The following GSDMB variants were observed in gnomAD, a reference collection of about 807,000 sequenced individuals.
The protein encoded by GSDMB is gasdermin B.
Under a neutral mutation model 42.9 loss-of-function variants are expected in GSDMB, and 32 were observed. The observed-to-expected ratio is 0.75, with a 90% CI of 0.56 to 1.00. GSDMB has a LOEUF of 1.00. Ranked by LOEUF, GSDMB falls within the 50% of genes least tolerant of loss-of-function variation. The pLI is 0.00. For synonymous variants in GSDMB, 175 were observed against 193.7 expected, an observed-to-expected ratio of 0.90 and a Z score of 0.80; for missense variants, 468 against 498.5, an observed-to-expected ratio of 0.94 and a Z score of 0.58.
Position 39,918,616 on chromosome 17 carries a change from T to C in GSDMB, c.-97A>G, listed in dbSNP as rs1301885915. The C allele has an allele frequency of 6.6e-6, 1 of 152,214 alleles. No individual in the cohort carries two copies. Among genetic ancestry groups the C allele is most frequent in the African/African-American group, 2.4e-5 (1 of 41,404 alleles). 9.4% of individuals were successfully genotyped at this position (152,214 alleles called of 1,614,324 possible). The stretch of plus-strand genomic sequence containing the variant: ...CTCTGCACAGTTCCTGGCCTCTGAA[T>C]CTCAGGAAGCTAAAATAATGAAACT... On this transcript the variant is annotated 5_prime_UTR_variant, in exon 1 of 11. Transcript: ENST00000418519.
At chr17:39,913,803 T>C (rs1217176315) in intron 2 of GSDMB, among the ~76,000 whole-genome samples, 1 of 152,158 alleles carries the variant, frequency 6.6e-6, no homozygotes, top group Non-Finnish European at 1.5e-5. Context: ...AGGGGCTGCG[T>C]GCCTTTGTCT....
chr17:39,915,732 G>A (rs1010405676), intron 2 of GSDMB, among the ~76,000 whole-genome samples: 5 of 151,766 alleles, frequency 3.3e-5, no homozygotes, highest in Non-Finnish European at 7.4e-5. Flanking sequence ...CTTGCTTAAC[G>A]AAACTCTGCT....
In GSDMB at chr17:39,917,145, G is replaced by C; in HGVS notation, c.172C>G (p.Leu58Val). ...CCATCTGTGTCCAGAATGTCCATCAGGGTGAGGCCTGTTGTGTAGTGCCGG... is the reference window on the plus strand; with the variant it reads ...CCATCTGTGTCCAGAATGTCCATCACGGTGAGGCCTGTTGTGTAGTGCCGG... Reference protein sequence around the residue: ...GCRHYTTGLTLMDILDTDGDK... With the variant: ...GCRHYTTGLTVMDILDTDGDK... Residue 58 changes from leucine to valine, a missense_variant, in exon 2 of 11, where the codon CTG becomes GTG. Leu to Val is a conservative substitution (Grantham distance 32, BLOSUM62 1). Coordinates refer to ENST00000418519, the MANE Select transcript of GSDMB (RefSeq NM_001165958.2). 1 of 1,614,166 alleles carries C rather than the reference G, an allele frequency of 6.2e-7. No homozygotes were observed. The highest frequency in any genetic ancestry group is 1.1e-5 in the South Asian group (1 of 91,080).
At position 39,909,868 on chromosome 17, in the gene GSDMB, AG is replaced by A; in HGVS notation, c.463del (p.Leu155CysfsTer4). On this transcript the variant is annotated frameshift_variant, in exon 4 of 11. Transcript: ENST00000418519. LOFTEE classifies it high-confidence loss of function. The stretch of plus-strand genomic sequence containing the variant: ...CTCCAGAGTTTCTGTCACCAGATAC[AG>A]GTTTTCTCTCGTATTAATTGATCGG... ...SFRSINTRENLYLVTETLETV... is the reference protein window; with the variant it reads ...SFRSINTRENXYLVTETLETV... 1 of 1,613,672 alleles carries A rather than the reference AG, an allele frequency of 6.2e-7. No homozygotes were observed. The highest frequency in any genetic ancestry group is 8.5e-7 in the Non-Finnish European group (1 of 1,179,530).
intron 2 of GSDMB, among the ~76,000 whole-genome samples, chr17:39,915,046 AGGC>A (rs1346992572): frequency 6.6e-6 from 1 of 152,172 alleles, no homozygotes; most frequent in African/African-American, 2.4e-5. Flanking sequence ...CATGTTGGCC[AGGC>A]TGGTCTCGAA....
intron 10 of GSDMB, 129 bp from the exon 11 acceptor site, chr17:39,905,093 G>T: frequency 1.3e-6 from 1 of 787,634 alleles, no homozygotes; most frequent in Non-Finnish European, 2.1e-6. Flanking sequence ...ACTCTTTCCT[G>T]CAGAGCCCGG....
At chr17:39,912,299 T>G (rs2063625344) in intron 3 of GSDMB, 27 bp downstream of exon 3, 1 of 1,588,200 alleles carries the variant, frequency 6.3e-7, no homozygotes. Flanking sequence ...CTTCCCCTCC[T>G]TCCCTGCTGC....
chr17:39,915,819 T>C (rs1764983765), intron 2 of GSDMB, among the ~76,000 whole-genome samples: 1 of 152,186 alleles, frequency 6.6e-6, no homozygotes, highest in Non-Finnish European at 1.5e-5. Flanking sequence ...CACACTGTAA[T>C]ACTCTAAAGC....
intron 3 of GSDMB, 119 bp downstream of exon 3, chr17:39,912,207 G>A: frequency 4.3e-6 from 3 of 704,404 alleles, no homozygotes; most frequent in Non-Finnish European, 4.7e-6. Context: ...ATGAAAAGCA[G>A]GGAAAAGAAA....
At position 39,912,314 on chromosome 17, in the gene GSDMB, C is replaced by T. The variant is rs2063625658; in HGVS notation, c.407+12G>A. On this transcript the variant is annotated intron_variant, in intron 3 of 10. Transcript: ENST00000418519. ...CTTCCCCTCCTTCCCTGCTGCCCAA[C>T]TCCAACCTCACCTGTTTTCAAGGGT... is the stretch of plus-strand genomic sequence containing the variant. The T allele has an allele frequency of 3.1e-6, 5 of 1,610,444 alleles. No homozygotes were observed. Among genetic ancestry groups the T allele is most frequent in the Non-Finnish European group, 4.2e-6 (5 of 1,177,396 alleles).
At position 39,917,309 on chromosome 17, in the gene GSDMB, C is replaced by T; in HGVS notation, c.8G>A (p.Ser3Asn). 6.2e-7 allele frequency: 1 copy of T among 1,605,772 alleles called. No individual in the cohort carries two copies. Among genetic ancestry groups the T allele is most frequent in the Non-Finnish European group, 8.5e-7 (1 of 1,172,332 alleles). The change falls in exon 2 of 11, where the codon AGC (serine) becomes AAC (asparagine). Residue 3 changes from serine (S) to asparagine (N), a missense_variant. By Grantham distance (46) the Ser-to-Asn change is conservative. Coordinates refer to ENST00000418519, the MANE Select transcript of GSDMB (RefSeq NM_001165958.2). MF[S>N]VFEEITRIVV... ...AATTCTTGTGATTTCCTCAAATACG[C>T]TGAACATTGCGCCTGGACCAACTCA...
chr17:39,907,682 C>T (rs1428316051), intron 6 of GSDMB: 1 of 152,152 alleles, frequency 6.6e-6, no homozygotes, highest in Non-Finnish European at 1.5e-5. Flanking sequence ...GAGCTGAGAT[C>T]ACACCACTGC....
At chr17:39,910,065 G>A (rs1162069253) in intron 3 of GSDMB, 141 bp from the exon 4 acceptor site, 17 of 685,640 alleles carry the variant, frequency 2.5e-5, no homozygotes, top group Non-Finnish European at 3.2e-5. Context: ...GCACCCCATC[G>A]CAGTTCACTT....
chr17:39,913,310 T>C (rs1489493765), intron 2 of GSDMB, among the ~76,000 whole-genome samples: 2 of 151,722 alleles, frequency 1.3e-5, no homozygotes, highest in Non-Finnish European at 2.9e-5. Flanking sequence ...CCCCAGCCAA[T>C]TGGGAAATAA....
Position 39,917,213 on chromosome 17 carries a change from C to A in GSDMB, c.104G>T (p.Arg35Leu). 6.2e-7 allele frequency: 1 copy of A among 1,613,804 alleles called. No individual in the cohort carries two copies. The highest frequency in any genetic ancestry group is 8.5e-7 in the Non-Finnish European group (1 of 1,179,722). ...CTTCTCCCCCACCAGATGGAAGCAGCGGAATCTATCAGCATCAACAAGGCT... is the reference window on the plus strand; with the variant it reads ...CTTCTCCCCCACCAGATGGAAGCAGAGGAATCTATCAGCATCAACAAGGCT... ...VRSLVDADRF[R>L]CFHLVGEKRT... The change falls in exon 2 of 11, where the codon CGC (arginine) becomes CTC (leucine). Residue 35 changes from arginine (R) to leucine (L), a missense_variant. Arg to Leu is a moderately radical substitution (Grantham distance 102). Transcript: ENST00000418519.
intron 6 of GSDMB, chr17:39,907,396 A>T (rs1022680371): frequency 5.8e-6 from 1 of 171,656 alleles, no homozygotes; most frequent in Non-Finnish European, 1.2e-5. Context: ...TTCTAGTCTC[A>T]CTCCTTTAGT....
rs1478609457 is a variant in GSDMB, at chr17:39,907,295, C to A, written c.701-308G>T. On this transcript the variant is annotated intron_variant, in intron 6 of 10. Transcript: ENST00000418519. Reference sequence around the variant, plus strand: ...TGGGTCAGACTTCTCTATCCCTTTCCAAGCTCTCTTAGGCAGTACAACCCT... The same window carrying A: ...TGGGTCAGACTTCTCTATCCCTTTCAAAGCTCTCTTAGGCAGTACAACCCT... 2.2e-5 allele frequency: 19 copies of A among 846,128 alleles called. No individual in the cohort carries two copies. In the South Asian group the frequency reaches 4.2e-4, roughly 19 times the overall value. 52.4% of individuals were successfully genotyped at this position (846,128 alleles called of 1,614,324 possible).
At chr17:39,911,690 T>G (rs561864486) in intron 3 of GSDMB, among the ~76,000 whole-genome samples, 66 of 152,240 alleles carry the variant, frequency 4.3e-4, no homozygotes, top group African/African-American at 1.6e-3. Context: ...GAGAGGTTAG[T>G]AAAGTCAGTC....
chr17:39,906,024 C>T, intron 8 of GSDMB, 39 bp from the exon 9 acceptor site: 1 of 1,612,774 alleles, frequency 6.2e-7, no homozygotes, highest in Non-Finnish European at 8.5e-7. Context: ...AGCAGTCTCA[C>T]CATAGCAGAT....
Sources: allele counts gnomAD v4.1 joint callset (sites outside exome capture counted in the v4.1 genomes callset), GRCh38; gene constraint gnomAD v4.1.1; transcripts MANE v1.5; gene names NCBI Gene and HGNC (gene_info 2026-07-23, HGNC 2026-07-21).